GLCE: variants seen among roughly 807,000 people sequenced by gnomAD.
GLCE encodes glucuronic acid epimerase.
GLCE carries 19 observed loss-of-function variants against 47.9 expected under a neutral mutation model. The observed-to-expected ratio is 0.40, with a 90% confidence interval of 0.28 to 0.58. GLCE has a LOEUF of 0.58. Among genes scored for constraint, GLCE ranks in the 20% least tolerant of loss-of-function variants. The probability of loss-of-function intolerance (pLI) is 0.48; values close to 1 mark genes in which losing one functional copy is unlikely to be tolerated. For synonymous variants in GLCE, 245 were observed against 263.4 expected (o/e 0.93, Z 0.68); for missense variants, 556 against 743.3 (o/e 0.75, Z 2.93).
chr15:69,239,824 A>G (rs1264823988), intron 2 of GLCE, among the ~76,000 whole-genome samples: 1 of 152,134 alleles, frequency 6.6e-6, no homozygotes, highest in Non-Finnish European at 1.5e-5. Flanking sequence ...TGCCCTTCCC[A>G]TACAAACTGT....
At chr15:69,258,680 A>ATTGTTAAT in intron 3 of GLCE, among the ~76,000 whole-genome samples, 1 of 152,330 alleles carries the variant, frequency 6.6e-6, no homozygotes, top group East Asian at 1.9e-4. Flanking sequence ...TCATCACATC[A>ATTGTTAAT]GGGTTAATGG....
chr15:69,254,432 T>C lies in GLCE; in HGVS notation c.-13-1362T>C, dbSNP rs1479052972. Among the ~76,000 whole-genome samples the C allele has an allele frequency of 3.9e-5, 6 of 152,302 alleles. No homozygotes were observed. In the East Asian group the frequency reaches 1.2e-3, roughly 29 times the overall value. ...TGACTTAAATTTAAGAGCATCATTC[T>C]GACTGCTGTGTTAAGAATAGACTTG... On this transcript the variant is annotated intron_variant, in intron 2 of 4. Coordinates refer to ENST00000261858, the MANE Select transcript of GLCE (RefSeq NM_015554.3).
intron 1 of GLCE, among the ~76,000 whole-genome samples, chr15:69,166,908 C>CAAAA (rs34522584): frequency 1.2e-4 from 5 of 42,468 alleles, no homozygotes; most frequent in African/African-American, 4.7e-4. Flanking sequence ...GACTCTGTCT[C>CAAAA]AAAAAAAAAA....
intron 3 of GLCE, 51 bp downstream of exon 3, chr15:69,256,443 G>A (rs2052926684): frequency 3.2e-6 from 4 of 1,235,556 alleles, no homozygotes; most frequent in Non-Finnish European, 4.6e-6. Flanking sequence ...TTGTGTTGAG[G>A]AATAAGAAAA....
chr15:69,198,966 C>T (rs573510476), intron 1 of GLCE, among the ~76,000 whole-genome samples: 28 of 152,196 alleles, frequency 1.8e-4, no homozygotes, highest in African/African-American at 6.0e-4. Context: ...ATTAGAAGTC[C>T]GCCACCCGGT....
chr15:69,229,416 A>G (rs962685959), intron 2 of GLCE, among the ~76,000 whole-genome samples: 11 of 152,206 alleles, frequency 7.2e-5, no homozygotes, highest in African/African-American at 2.4e-4. Context: ...CAAAGGTTTG[A>G]GTTTGGGTTC....
At chr15:69,200,626 A>G (rs2052064877) in intron 1 of GLCE, among the ~76,000 whole-genome samples, 1 of 152,160 alleles carries the variant, frequency 6.6e-6, no homozygotes, top group African/African-American at 2.4e-5. Context: ...ATCAGATCAA[A>G]GCATTTCAGA....
Position 69,270,544 on chromosome 15 carries a change from T to C in GLCE, c.*1300T>C, listed in dbSNP as rs1056272276. ...GTGACAGTACACTAAATCAATACTATATCTTATACAGTTTGAAAATATGAT... is the reference window on the plus strand; with the variant it reads ...GTGACAGTACACTAAATCAATACTACATCTTATACAGTTTGAAAATATGAT... On this transcript the variant is annotated 3_prime_UTR_variant, in exon 5 of 5. Coordinates refer to ENST00000261858, the MANE Select transcript of GLCE (RefSeq NM_015554.3). 6.6e-6 allele frequency: 1 copy of C among 152,162 alleles called. No individual in the cohort carries two copies. The highest frequency in any genetic ancestry group is 2.4e-5 in the African/African-American group (1 of 41,434). 9.4% of individuals were successfully genotyped at this position (152,162 alleles called of 1,614,324 possible). A position where few individuals can be genotyped will look rare whatever the true frequency, so the allele number is the denominator to read the frequency against.
At position 69,198,484 on chromosome 15, in the gene GLCE, C is replaced by T. The variant is rs185254994; in HGVS notation, c.-104-11832C>T. ...TCAGAAATCTTGATGTGAAAGGATC[C>T]ATTTTCTAGGTCACTCATAAGGCAG... is the stretch of plus-strand genomic sequence containing the variant. On this transcript the variant is annotated intron_variant, in intron 1 of 4. Transcript: ENST00000261858. Among the ~76,000 whole-genome samples, 291 of 152,188 alleles carry T rather than the reference C, an allele frequency of 1.9e-3. 1 individual carries two copies. Among genetic ancestry groups the T allele is most frequent in the Admixed American group, 0.014 (220 of 15,272 alleles).
intron 2 of GLCE, among the ~76,000 whole-genome samples, chr15:69,228,954 C>T (rs1000909337): frequency 1.3e-5 from 2 of 152,136 alleles, no homozygotes; most frequent in Non-Finnish European, 2.9e-5. Context: ...TCCCAAAGTG[C>T]TGGGATTATA....
At chr15:69,267,487 C>T (rs957850170) in intron 4 of GLCE, among the ~76,000 whole-genome samples, 1 of 152,154 alleles carries the variant, frequency 6.6e-6, no homozygotes, top group Non-Finnish European at 1.5e-5. Context: ...TTTTGTTGTA[C>T]ACATGAGCCC....
intron 2 of GLCE, among the ~76,000 whole-genome samples, chr15:69,221,015 T>C (rs1016641218): frequency 1.3e-5 from 2 of 152,250 alleles, no homozygotes; most frequent in African/African-American, 4.8e-5. Flanking sequence ...TTGAAAAGAC[T>C]GTGCTTTTAT....
At chr15:69,206,209 T>C (rs2052149976) in intron 1 of GLCE, among the ~76,000 whole-genome samples, 3 of 152,074 alleles carry the variant, frequency 2.0e-5, no homozygotes, top group Admixed American at 2.0e-4. Flanking sequence ...AATTTGTGTT[T>C]GTCTGATGCT....
intron 1 of GLCE, among the ~76,000 whole-genome samples, chr15:69,187,728 T>G (rs941861007): frequency 3.3e-5 from 5 of 152,168 alleles, no homozygotes; most frequent in Admixed American, 6.6e-5. Flanking sequence ...TTACATCAAT[T>G]GATTCTCAAA....
At position 69,217,404 on chromosome 15, in the gene GLCE, A is replaced by G. The variant is rs115724009; in HGVS notation, c.-14+6998A>G. Among the ~76,000 whole-genome samples, 650 of 151,236 alleles carry G rather than the reference A, an allele frequency of 4.3e-3. 3 individuals are homozygous for G. Among genetic ancestry groups the G allele is most frequent in the African/African-American group, 0.015 (606 of 41,456 alleles). ...AGTAGAAAAATTACTATATATACAT[A>G]TATTATAAATATATATTTTATTTCC... is the stretch of plus-strand genomic sequence containing the variant. On this transcript the variant is annotated intron_variant, in intron 2 of 4. Coordinates refer to ENST00000261858, the MANE Select transcript of GLCE (RefSeq NM_015554.3).
In GLCE at chr15:69,186,219, A is replaced by T. The variant is rs560873717; in HGVS notation, c.-104-24097A>T. Among the ~76,000 whole-genome samples, 5 of 151,866 alleles carry T rather than the reference A, an allele frequency of 3.3e-5. No individual in the cohort carries two copies. In the East Asian group the frequency reaches 9.7e-4, roughly 30 times the overall value. On this transcript the variant is annotated intron_variant, in intron 1 of 4. Coordinates refer to ENST00000261858, the MANE Select transcript of GLCE (RefSeq NM_015554.3). ...TCCTTCCTCCAGGGTATGAGGCAGGACCCTCTCTGGAGGGTCTTAAGACCC... is the reference window on the plus strand; with the variant it reads ...TCCTTCCTCCAGGGTATGAGGCAGGTCCCTCTCTGGAGGGTCTTAAGACCC...
At chr15:69,172,530 C>A (rs1405601280) in intron 1 of GLCE, among the ~76,000 whole-genome samples, 1 of 152,126 alleles carries the variant, frequency 6.6e-6, no homozygotes, top group African/African-American at 2.4e-5. Context: ...CATAGGTTGT[C>A]TCATTAAGTT....
intron 1 of GLCE, among the ~76,000 whole-genome samples, chr15:69,187,561 C>T (rs2051842483): frequency 6.6e-6 from 1 of 152,100 alleles, no homozygotes; most frequent in African/African-American, 2.4e-5. Context: ...TTCATACCTG[C>T]TTTCATTTAA....
intron 1 of GLCE, among the ~76,000 whole-genome samples, chr15:69,162,020 A>G (rs2051431820): frequency 6.6e-6 from 1 of 152,202 alleles, no homozygotes; most frequent in African/African-American, 2.4e-5. Flanking sequence ...CGGATAGTGC[A>G]GGGAAGCGTG....
Sources: gnomAD v4.1 joint callset for allele counts (sites outside exome capture counted in the v4.1 genomes callset) on GRCh38, gnomAD v4.1.1 for gene constraint, MANE v1.5 for transcripts, NCBI Gene and HGNC (gene_info 2026-07-23, HGNC 2026-07-21) for gene names.